The following ZNF592 variants were observed in gnomAD, a reference collection of about 807,000 sequenced individuals.
ZNF592 encodes zinc finger protein 592, also known as spinocerebellar ataxia, autosomal recessive 5.
A neutral mutation model predicts 80.3 loss-of-function variants in ZNF592; 11 were observed. The observed-to-expected ratio is 0.14, with a 90% CI of 0.09 to 0.23. ZNF592 has a LOEUF of 0.23. Ranked by LOEUF, ZNF592 falls within the 10% of genes least tolerant of loss-of-function variation. The pLI is 1.00. For missense variants in ZNF592, 1,420 were observed against 1,633.9 expected (o/e 0.87, Z 2.26); for synonymous variants, 646 against 640.3 (o/e 1.01, Z -0.13).
At chr15:84,774,545 A>G (rs904067172) in intron 2 of ZNF592, among the ~76,000 whole-genome samples, 1 of 152,212 alleles carries the variant, frequency 6.6e-6, no homozygotes, top group Non-Finnish European at 1.5e-5. Context: ...CACTAGTCCA[A>G]AATTAGTCAA....
In ZNF592 at chr15:84,799,240, C is replaced by A. The variant is rs368761899; in HGVS notation, c.3137+30C>A. 6.2e-7 allele frequency: 1 copy of A among 1,602,110 alleles called. No homozygotes were observed. The highest frequency in any genetic ancestry group is 8.6e-7 in the Non-Finnish European group (1 of 1,169,048). On this transcript the variant is annotated intron_variant, in intron 9 of 10. Coordinates refer to ENST00000560079, the MANE Select transcript of ZNF592 (RefSeq NM_014630.3). The surrounding 1 kb of genome is among the most constrained non-coding windows in gnomAD (Gnocchi z 4.2). Reference sequence around the variant, plus strand: ...GTCCCTGGGGATAGTAGTGAGGAGGCCTGAGGTTCAAAAGACTCTGTCCGT... The same window carrying A: ...GTCCCTGGGGATAGTAGTGAGGAGGACTGAGGTTCAAAAGACTCTGTCCGT...
intron 2 of ZNF592, among the ~76,000 whole-genome samples, chr15:84,771,031 T>A (rs1432734095): frequency 6.6e-6 from 1 of 152,044 alleles, no homozygotes; most frequent in African/African-American, 2.4e-5. Context: ...GGCAGGTACA[T>A]CAGCCAGGGG....
intron 10 of ZNF592, 37 bp from the exon 11 acceptor site, chr15:84,801,826 T>G: frequency 6.2e-7 from 1 of 1,613,954 alleles, no homozygotes; most frequent in South Asian, 1.1e-5. Flanking sequence ...TGTCCAGGGC[T>G]TGGCCTGGAC....
At chr15:84,776,858 T>G (rs1389055546) in intron 2 of ZNF592, among the ~76,000 whole-genome samples, 1 of 152,038 alleles carries the variant, frequency 6.6e-6, no homozygotes, top group Non-Finnish European at 1.5e-5. Context: ...AAGGCCACCC[T>G]GGCTAACATG....
At chr15:84,787,508 G>A (rs1962624563) in intron 4 of ZNF592, among the ~76,000 whole-genome samples, 1 of 152,192 alleles carries the variant, frequency 6.6e-6, no homozygotes, top group South Asian at 2.1e-4. Flanking sequence ...TGGACAGATA[G>A]TTGGGCTCCA....
At chr15:84,794,272 T>TA (rs1962830345) in intron 5 of ZNF592, among the ~76,000 whole-genome samples, 1 of 152,222 alleles carries the variant, frequency 6.6e-6, no homozygotes, top group Non-Finnish European at 1.5e-5. Flanking sequence ...GTAACTCTGA[T>TA]TAACTTTTTG....
At chr15:84,764,650 T>A (rs1899448078) in intron 1 of ZNF592, 57 bp from the exon 2 acceptor site, 2 of 398,242 alleles carry the variant, frequency 5.0e-6, no homozygotes, top group Non-Finnish European at 8.9e-6. Flanking sequence ...CTTTCCTTAC[T>A]CTAACACTTA....
At chr15:84,767,891 T>C (rs142495373) in intron 2 of ZNF592, among the ~76,000 whole-genome samples, 56 of 152,050 alleles carry the variant, frequency 3.7e-4, no homozygotes, top group Admixed American at 2.4e-3. Context: ...CTTTTCTTTT[T>C]TTTGAGACAG....
intron 3 of ZNF592, 23 bp downstream of exon 3, chr15:84,778,335 A>G (rs1596119865): frequency 4.5e-6 from 1 of 220,946 alleles, no homozygotes; most frequent in Non-Finnish European, 9.1e-6. Flanking sequence ...AGGCTGGAGG[A>G]GGCGGTGTTT....
intron 2 of ZNF592, among the ~76,000 whole-genome samples, 155 bp downstream of exon 2, chr15:84,764,970 G>T (rs1402639831): frequency 1.3e-5 from 2 of 151,796 alleles, no homozygotes; most frequent in African/African-American, 4.8e-5. Flanking sequence ...GTGCAGCTCA[G>T]TGGCATTAAA....
chr15:84,799,702 G>A lies in ZNF592; in HGVS notation c.3138-140G>A. 7.6e-7 allele frequency: 1 copy of A among 1,312,682 alleles called. No individual in the cohort carries two copies. The highest frequency in any genetic ancestry group is 1.1e-6 in the Non-Finnish European group (1 of 924,498). The allele number at this position is 1,312,682 out of a possible 1,614,324, so 81.3% of individuals were successfully genotyped here. A position where few individuals can be genotyped will look rare whatever the true frequency, so the allele number is the denominator to read the frequency against. Reference sequence around the variant, plus strand: ...GTCTGCTACCTTGGCTGGCCTGCTGGCTGGATCTCTCTGGGGTTCCCAGCA... The same window carrying A: ...GTCTGCTACCTTGGCTGGCCTGCTGACTGGATCTCTCTGGGGTTCCCAGCA... On this transcript the variant is annotated intron_variant, in intron 9 of 10. Transcript: ENST00000560079. This position sits in a 1 kb window ranked among gnomAD's most constrained non-coding sequence, Gnocchi z 4.2.
Position 84,783,733 on chromosome 15 carries a change from G to A in ZNF592, c.1058G>A (p.Cys353Tyr), listed in dbSNP as rs1962494257. 1.2e-6 allele frequency: 2 copies of A among 1,614,252 alleles called. No individual in the cohort carries two copies. Among genetic ancestry groups the A allele is most frequent in the East Asian group, 2.2e-5 (1 of 44,880 alleles). The change falls in exon 4 of 11, where the codon TGC becomes TAC. Residue 353 changes from cysteine to tyrosine, a missense_variant. Transcript: ENST00000560079. This position sits in a 1 kb window ranked among gnomAD's most constrained non-coding sequence, Gnocchi z 5.0. ...IKPSDSPRSI[C>Y]SDSSSKGSPS... is the part of the protein sequence containing the mutation. ...CCATCGGACAGCCCTCGTAGCATCT[G>A]CAGTGACAGCAGCAGCAAAGGCTCA...
At chr15:84,787,463 T>A in intron 4 of ZNF592, among the ~76,000 whole-genome samples, 1 of 152,182 alleles carries the variant, frequency 6.6e-6, no homozygotes, top group Non-Finnish European at 1.5e-5. Context: ...CACAGGACAG[T>A]ATCTAGCTTC....
At chr15:84,768,668 C>CCT (rs936375597) in intron 2 of ZNF592, among the ~76,000 whole-genome samples, 2 of 152,146 alleles carry the variant, frequency 1.3e-5, no homozygotes, top group Admixed American at 1.3e-4. Context: ...CCTTATGGGA[C>CCT]ATCGGCCAAT....
rs767827386 is a variant in ZNF592 at position 84,784,433 on chromosome 15, G to C, written c.1758G>C (p.Gly586=). The C allele has an allele frequency of 6.2e-6, 10 of 1,614,192 alleles. No individual in the cohort carries two copies. In the South Asian group the frequency reaches 1.1e-4, roughly 18 times the overall value. Residue 586 remains glycine (G), a synonymous_variant, in exon 4 of 11, where the codon GGG becomes GGC. Transcript: ENST00000560079. The surrounding 1 kb of genome is among the most constrained non-coding windows in gnomAD (Gnocchi z 5.8). ...GCAGGATCCACGTGCCGGCCAGTGG[G>C]TACTGCTGCCTGGAGTGTGGAGACG... ...ADSRIHVPAS[G]YCCLECGDAF... is the part of the protein sequence containing the mutation.
intron 10 of ZNF592, among the ~76,000 whole-genome samples, chr15:84,800,482 C>G (rs1340999815): frequency 6.6e-6 from 1 of 152,142 alleles, no homozygotes; most frequent in Non-Finnish European, 1.5e-5. Context: ...TTTGGAGCAG[C>G]CTGGTTTTTC....
intron 2 of ZNF592, among the ~76,000 whole-genome samples, chr15:84,768,858 A>T (rs1899615097): frequency 6.6e-6 from 1 of 152,254 alleles, no homozygotes; most frequent in Non-Finnish European, 1.5e-5. Context: ...TGTTTGATTC[A>T]TAATAAGCCC....
chr15:84,786,841 C>CTTTTTTTTTTTTTTTTTTTTTTTTTTT (rs35391255), intron 4 of ZNF592, among the ~76,000 whole-genome samples: 1 of 70,818 alleles, frequency 1.4e-5, no homozygotes, highest in Non-Finnish European at 2.5e-5. Flanking sequence ...CCTTACGTAT[C>CTTTTTTTTTTTTTTTTTTTTTTTTTTT]TTTTTTTTTT....
Position 84,806,305 on chromosome 15 carries a change from GA to G in ZNF592, c.*3917del, listed in dbSNP as rs1260953855. 10 of 152,202 alleles carry G rather than the reference GA, an allele frequency of 6.6e-5. No individual in the cohort carries two copies. The highest frequency in any genetic ancestry group is 1.5e-4 in the Non-Finnish European group (10 of 68,032). The allele number at this position is 152,202 out of a possible 1,614,324, so 9.4% of individuals were successfully genotyped here. A position where few individuals can be genotyped will look rare whatever the true frequency, so the allele number is the denominator to read the frequency against. The stretch of plus-strand genomic sequence containing the variant: ...CACAGGAAGCCTTGGGCCCCTGGAG[GA>G]AAAAGTTGAGACTAGGACGCAGGTC... On this transcript the variant is annotated 3_prime_UTR_variant, in exon 11 of 11. Transcript: ENST00000560079.
Sources: gnomAD v4.1 joint callset for allele counts (sites outside exome capture counted in the v4.1 genomes callset) on GRCh38, gnomAD v4.1.1 for gene constraint, Gnocchi (gnomAD v3.1) non-coding constraint, MANE v1.5 for transcripts, NCBI Gene and HGNC (gene_info 2026-07-23, HGNC 2026-07-21) for gene names.